Variants in CSMD1 observed in about 807,000 individuals in gnomAD.
CSMD1 encodes the protein CUB and sushi domain-containing protein 1.
Under a neutral mutation model 417.5 loss-of-function variants are expected in CSMD1, and 213 were observed. The ratio of observed to expected loss-of-function variants is 0.51; its 90% CI spans 0.46 to 0.57. The LOEUF is 0.57. Among genes scored for constraint, CSMD1 ranks in the 20% least tolerant of loss-of-function variants. The pLI, the probability that CSMD1 is intolerant of heterozygous loss-of-function variation, is 0.00. For missense variants in CSMD1, 6,923 were observed against 4,529.7 expected (o/e 1.53, Z -15.17); for synonymous variants, 2,862 against 1,736.8 (o/e 1.65, Z -16.11).
intron 5 of CSMD1, among the ~76,000 whole-genome samples, chr8:3,763,067 C>T (rs1000182827): frequency 1.3e-5 from 2 of 152,106 alleles, no homozygotes; most frequent in African/African-American, 4.8e-5. Context: ...TGAAGCCTGT[C>T]CTATTCTCAC....
chr8:3,665,486 G>A (rs1016086822), intron 7 of CSMD1, among the ~76,000 whole-genome samples: 1 of 152,064 alleles, frequency 6.6e-6, no homozygotes, highest in East Asian at 1.9e-4. Context: ...CCAAGATCAC[G>A]CCACTGCACT....
At chr8:3,114,180 G>A (rs951793071) in intron 42 of CSMD1, among the ~76,000 whole-genome samples, 1 of 152,148 alleles carries the variant, frequency 6.6e-6, no homozygotes, top group Admixed American at 6.5e-5. Context: ...GCAGGTCAAG[G>A]CTACAGTGAG....
At chr8:4,564,886 C>T (rs529439844) in intron 2 of CSMD1, among the ~76,000 whole-genome samples, 2 of 152,194 alleles carry the variant, frequency 1.3e-5, no homozygotes, top group African/African-American at 4.8e-5. Flanking sequence ...TGTTTGTTTA[C>T]GTAGCTTAAT....
At chr8:3,775,802 T>C (rs1418122819) in intron 5 of CSMD1, among the ~76,000 whole-genome samples, 1 of 152,222 alleles carries the variant, frequency 6.6e-6, no homozygotes, top group Admixed American at 6.5e-5. Flanking sequence ...TGGGTGCTGA[T>C]GTCATCATGG....
intron 23 of CSMD1, among the ~76,000 whole-genome samples, chr8:3,323,242 A>G (rs1806272044): frequency 1.3e-5 from 2 of 152,222 alleles, no homozygotes; most frequent in African/African-American, 4.8e-5. Context: ...CACAAATGAC[A>G]AGGGACCTCA....
intron 5 of CSMD1, among the ~76,000 whole-genome samples, chr8:3,864,872 T>C (rs1804974165): frequency 1.3e-5 from 2 of 152,224 alleles, no homozygotes; most frequent in African/African-American, 4.8e-5. Flanking sequence ...TAGAATTAAA[T>C]AATTAATTTC....
At chr8:4,093,981 GATA>G (rs559877740) in intron 3 of CSMD1, among the ~76,000 whole-genome samples, 7,836 of 147,612 alleles carry the variant, frequency 0.053, 431 homozygotes, top group East Asian at 0.26. Context: ...TAGATAGATA[GATA>G]GATAGATAGA....
chr8:4,069,628 C>T (rs760744650), intron 3 of CSMD1, among the ~76,000 whole-genome samples: 2 of 152,170 alleles, frequency 1.3e-5, no homozygotes, highest in Non-Finnish European at 2.9e-5. Flanking sequence ...CTGTATTCCC[C>T]TCAAGCCTCT....
chr8:3,219,220 AT>A (rs1563154233), intron 29 of CSMD1, 34 bp downstream of exon 29: 2 of 1,536,536 alleles, frequency 1.3e-6, no homozygotes, highest in Non-Finnish European at 1.8e-6. Context: ...CCTGATACAA[AT>A]TAATTCCCAC....
intron 3 of CSMD1, among the ~76,000 whole-genome samples, chr8:4,367,498 C>G (rs886811612): frequency 1.2e-4 from 19 of 152,138 alleles, no homozygotes; most frequent in African/African-American, 3.9e-4. Flanking sequence ...AGTGTGATAC[C>G]TCCAGCTTTG....
chr8:4,106,818 C>G (rs909649565), intron 3 of CSMD1, among the ~76,000 whole-genome samples: 1 of 152,152 alleles, frequency 6.6e-6, no homozygotes, highest in African/African-American at 2.4e-5. Context: ...AGGTCTACAC[C>G]AGCACACACT....
intron 1 of CSMD1, among the ~76,000 whole-genome samples, chr8:4,953,047 G>C (rs75480571): frequency 1.6e-5 from 2 of 125,862 alleles, no homozygotes; most frequent in Non-Finnish European, 3.4e-5. Flanking sequence ...CCATTAATAC[G>C]TGAGCAGATG....
chr8:3,758,639 T>A (rs1030575700), intron 5 of CSMD1, among the ~76,000 whole-genome samples: 2 of 152,222 alleles, frequency 1.3e-5, no homozygotes, highest in Non-Finnish European at 2.9e-5. Context: ...TTGTGAACTC[T>A]CTAACAACTT....
At chr8:3,103,199 T>C (rs570873112) in intron 46 of CSMD1, among the ~76,000 whole-genome samples, 1 of 152,276 alleles carries the variant, frequency 6.6e-6, no homozygotes, top group East Asian at 1.9e-4. Context: ...TCTAAAAAAC[T>C]TTGTAATTTT....
chr8:3,179,071 C>T (rs1416302755), intron 37 of CSMD1, among the ~76,000 whole-genome samples: 1 of 151,520 alleles, frequency 6.6e-6, no homozygotes, highest in Non-Finnish European at 1.5e-5. Flanking sequence ...CCTCAGCCTC[C>T]TGAGCAGCTG....
intron 1 of CSMD1, among the ~76,000 whole-genome samples, chr8:4,802,702 T>C (rs1319219269): frequency 6.6e-6 from 1 of 152,204 alleles, no homozygotes; most frequent in Non-Finnish European, 1.5e-5. Context: ...CTTTGTTTTC[T>C]TGTTTTGATA....
At chr8:4,135,332 GGGAAAGAAGGAA>G (rs1430030772) in intron 3 of CSMD1, among the ~76,000 whole-genome samples, 24 of 141,150 alleles carry the variant, frequency 1.7e-4, no homozygotes, top group South Asian at 7.2e-4. Context: ...GCGAAGGAAG[GGGAAAGAAGGAA>G]GGAAGGGAAA....
chr8:4,483,453 A>T (rs376988465), intron 2 of CSMD1, among the ~76,000 whole-genome samples: 9 of 152,334 alleles, frequency 5.9e-5, no homozygotes, highest in African/African-American at 2.2e-4. Context: ...GAAAACCCCA[A>T]TGCTTTAATA....
intron 3 of CSMD1, among the ~76,000 whole-genome samples, chr8:4,218,744 G>A (rs529891421): frequency 2.8e-4 from 43 of 152,262 alleles, no homozygotes; most frequent in African/African-American, 9.9e-4. Flanking sequence ...ATACAAACCT[G>A]GCTGTTTTCA....
Sources: allele counts gnomAD v4.1 joint callset (sites outside exome capture counted in the v4.1 genomes callset), GRCh38; gene constraint gnomAD v4.1.1; transcripts MANE v1.5; gene names NCBI Gene and HGNC (gene_info 2026-07-23, HGNC 2026-07-21).